Variants in SHB observed in about 807,000 individuals in gnomAD.
The protein encoded by SHB is SH2 domain-containing adapter protein B.
SHB carries 20 observed loss-of-function variants against 52.3 expected under a neutral mutation model. That is an observed-to-expected ratio of 0.38 (90% CI 0.27 to 0.56). The LOEUF is 0.56. Among genes scored for constraint, SHB ranks in the 20% least tolerant of loss-of-function variants. SHB has a pLI of 0.71. For missense variants in SHB, 825 were observed against 723.3 expected (o/e 1.14, Z -1.61); for synonymous variants, 397 against 316.5 (o/e 1.25, Z -2.70).
chr9:37,917,656 C>G lies in SHB; in HGVS notation c.*2165G>C, dbSNP rs1281036594. Reference sequence around the variant, plus strand: ...TGTTTGGCCAAGTGCCAACTCCTCACTCATCTTGTCATTTCCCACCTACCT... The same window carrying G: ...TGTTTGGCCAAGTGCCAACTCCTCAGTCATCTTGTCATTTCCCACCTACCT... On this transcript the variant is annotated 3_prime_UTR_variant, in exon 6 of 6. Coordinates refer to ENST00000377707, the MANE Select transcript of SHB (RefSeq NM_003028.3). Among the ~76,000 whole-genome samples the G allele has an allele frequency of 6.6e-6, 1 of 152,260 alleles. No homozygotes were observed. Among genetic ancestry groups the G allele is most frequent in the African/African-American group, 2.4e-5 (1 of 41,470 alleles).
chr9:38,055,590 T>C (rs1821803021), intron 1 of SHB, among the ~76,000 whole-genome samples: 2 of 152,248 alleles, frequency 1.3e-5, no homozygotes, highest in South Asian at 4.1e-4. Flanking sequence ...CTCGCCCAAA[T>C]GCTTCTCTTG....
chr9:37,952,966 AC>A (rs1473296873), intron 4 of SHB, among the ~76,000 whole-genome samples: 3 of 151,996 alleles, frequency 2.0e-5, no homozygotes, highest in Non-Finnish European at 1.5e-5. Flanking sequence ...TCTGTGAGTC[AC>A]CACTAGGATC....
At chr9:37,953,979 C>G (rs1832596881) in intron 4 of SHB, among the ~76,000 whole-genome samples, 1 of 152,174 alleles carries the variant, frequency 6.6e-6, no homozygotes, top group African/African-American at 2.4e-5. Flanking sequence ...AGAGCCCAAC[C>G]CTCCCACCTT....
intron 2 of SHB, among the ~76,000 whole-genome samples, chr9:37,979,763 T>C (rs1051145833): frequency 6.6e-6 from 1 of 152,072 alleles, no homozygotes; most frequent in Non-Finnish European, 1.5e-5. Context: ...CCGAGACCAG[T>C]CTGGCCAACA....
chr9:37,968,398 G>C (rs140252590), intron 3 of SHB, among the ~76,000 whole-genome samples: 18 of 152,306 alleles, frequency 1.2e-4, no homozygotes, highest in African/African-American at 4.1e-4. Context: ...TCATCCCATT[G>C]CCCCATGGGT....
At chr9:38,050,948 C>G (rs570073252) in intron 1 of SHB, among the ~76,000 whole-genome samples, 7 of 152,330 alleles carry the variant, frequency 4.6e-5, no homozygotes, top group African/African-American at 1.2e-4. Context: ...TGACTACAAT[C>G]TTTTACTACA....
intron 4 of SHB, among the ~76,000 whole-genome samples, chr9:37,953,912 C>T (rs1832596157): frequency 6.6e-6 from 1 of 152,128 alleles, no homozygotes; most frequent in Non-Finnish European, 1.5e-5. Flanking sequence ...GAGGAAAAGC[C>T]AGTCATGCCT....
intron 1 of SHB, among the ~76,000 whole-genome samples, chr9:38,053,636 A>G (rs1380235692): frequency 6.6e-6 from 1 of 152,140 alleles, no homozygotes; most frequent in East Asian, 1.9e-4. Flanking sequence ...GATCCCAGGT[A>G]AAGCTTAACC....
chr9:38,007,318 A>C (rs1392544036), intron 2 of SHB, among the ~76,000 whole-genome samples: 1 of 152,176 alleles, frequency 6.6e-6, no homozygotes, highest in Admixed American at 6.5e-5. Flanking sequence ...GCAATCGGTG[A>C]ATATTTACTG....
chr9:38,043,812 C>A (rs1329480400), intron 1 of SHB, among the ~76,000 whole-genome samples: 5 of 152,064 alleles, frequency 3.3e-5, no homozygotes, highest in Non-Finnish European at 5.9e-5. Flanking sequence ...TGGCTTGAAC[C>A]CGGGAGGTGG....
At chr9:37,977,479 T>C (rs1266675783) in intron 2 of SHB, among the ~76,000 whole-genome samples, 3 of 152,234 alleles carry the variant, frequency 2.0e-5, no homozygotes, top group Non-Finnish European at 4.4e-5. Context: ...TGTCCCACAC[T>C]TTGGCAAACA....
At chr9:37,931,382 A>C (rs1172056012) in intron 5 of SHB, among the ~76,000 whole-genome samples, 1 of 152,178 alleles carries the variant, frequency 6.6e-6, no homozygotes, top group Non-Finnish European at 1.5e-5. Flanking sequence ...GACTCACATA[A>C]CTCCATAGTG....
chr9:37,971,667 GTC>G (rs1820591636), intron 3 of SHB, among the ~76,000 whole-genome samples: 1 of 150,342 alleles, frequency 6.7e-6, no homozygotes, highest in African/African-American at 2.5e-5. Context: ...GTGATTCTCT[GTC>G]TATCTTCTAT....
At chr9:38,007,205 G>T (rs1358856137) in intron 2 of SHB, among the ~76,000 whole-genome samples, 1 of 152,224 alleles carries the variant, frequency 6.6e-6, no homozygotes, top group East Asian at 1.9e-4. Flanking sequence ...GTGACTTCAA[G>T]CAAGCAAGTC....
chr9:38,034,084 GCT>G (rs1353422904), intron 1 of SHB, among the ~76,000 whole-genome samples: 1 of 152,168 alleles, frequency 6.6e-6, no homozygotes, highest in Non-Finnish European at 1.5e-5. Context: ...GGCCCCTGAA[GCT>G]CTCTCTCATG....
chr9:38,037,806 T>C (rs370550286), intron 1 of SHB, among the ~76,000 whole-genome samples: 5 of 152,134 alleles, frequency 3.3e-5, no homozygotes, highest in African/African-American at 4.8e-5. Context: ...CTCTGGAACA[T>C]AGAGCAGAAG....
At chr9:38,058,427 C>T (rs4878743) in intron 1 of SHB, among the ~76,000 whole-genome samples, 104,645 of 152,054 alleles carry the variant, frequency 0.69, 36,192 homozygotes, top group South Asian at 0.78. Context: ...CTCATCTCTG[C>T]CAGGAAATCC....
At chr9:38,027,251 T>G (rs1406409419) in intron 1 of SHB, among the ~76,000 whole-genome samples, 1 of 152,140 alleles carries the variant, frequency 6.6e-6, no homozygotes, top group African/African-American at 2.4e-5. Flanking sequence ...CTCCAATGCT[T>G]CCAAATTTCT....
At chr9:37,977,329 C>T (rs1303692303) in intron 2 of SHB, among the ~76,000 whole-genome samples, 2 of 152,026 alleles carry the variant, frequency 1.3e-5, no homozygotes, top group Admixed American at 6.6e-5. Context: ...GGAGAGCCAC[C>T]GGGAAATGCA....
Sources: allele counts gnomAD v4.1 joint callset (sites outside exome capture counted in the v4.1 genomes callset), GRCh38; gene constraint gnomAD v4.1.1; transcripts MANE v1.5; gene names NCBI Gene and HGNC (gene_info 2026-07-23, HGNC 2026-07-21).